USH2A: variants seen among roughly 807,000 people sequenced by gnomAD.
USH2A encodes the protein Usher syndrome 2A (autosomal recessive, mild).
USH2A carries 443 observed loss-of-function variants against 538.9 expected under a neutral mutation model. The observed-to-expected ratio is 0.82, with a 90% CI of 0.76 to 0.89. The LOEUF is 0.89. USH2A is among the 40% of genes least tolerant of loss of function. The pLI is 0.00. For missense variants in USH2A, 6,633 were observed against 6,324.8 expected (o/e 1.05, Z -1.65); for synonymous variants, 2,413 against 2,273.5 (o/e 1.06, Z -1.75).
intron 21 of USH2A, among the ~76,000 whole-genome samples, chr1:216,143,218 A>G (rs1553306752): frequency 2.0e-5 from 3 of 152,132 alleles, no homozygotes; most frequent in Non-Finnish European, 4.4e-5. Flanking sequence ...CACCTTATTT[A>G]TTTTATCCTT....
chr1:216,165,184 T>C (rs938596448), intron 21 of USH2A, among the ~76,000 whole-genome samples: 1 of 152,208 alleles, frequency 6.6e-6, no homozygotes, highest in Admixed American at 6.5e-5. Flanking sequence ...AAGTGCTTTT[T>C]ATTGTACTGT....
At chr1:216,217,584 T>C in intron 14 of USH2A, 34 bp from the exon 15 acceptor site, 2 of 1,609,478 alleles carry the variant, frequency 1.2e-6, no homozygotes, top group Non-Finnish European at 1.7e-6. Flanking sequence ...TCAAAGAGAA[T>C]AGTGTTTTGA....
At chr1:215,895,819 T>C (rs796341748) in intron 40 of USH2A, among the ~76,000 whole-genome samples, 6 of 152,340 alleles carry the variant, frequency 3.9e-5, no homozygotes, top group African/African-American at 1.4e-4. Context: ...TGTACAAACA[T>C]CCTAGAGTGT....
intron 11 of USH2A, among the ~76,000 whole-genome samples, chr1:216,271,251 A>C (rs1051969884): frequency 2.6e-5 from 4 of 152,002 alleles, no homozygotes; most frequent in African/African-American, 9.7e-5. Context: ...ACAGCCCCAG[A>C]CTTTCTATAG....
chr1:216,318,351 GAAC>G (rs1333117951), intron 9 of USH2A, among the ~76,000 whole-genome samples: 4 of 152,100 alleles, frequency 2.6e-5, no homozygotes, highest in Admixed American at 1.3e-4. Flanking sequence ...TTAAAAAGTA[GAAC>G]AACAAGAAAA....
intron 64 of USH2A, among the ~76,000 whole-genome samples, chr1:215,669,917 A>G (rs1483471351): frequency 6.6e-6 from 1 of 152,164 alleles, no homozygotes; most frequent in Non-Finnish European, 1.5e-5. Context: ...ATGTTATAAT[A>G]AGCTTTTTAA....
intron 4 of USH2A, among the ~76,000 whole-genome samples, chr1:216,355,674 G>A (rs920239302): frequency 2.0e-5 from 3 of 152,090 alleles, no homozygotes; most frequent in Admixed American, 6.6e-5. Context: ...AAACATTGAA[G>A]AACACTAGAA....
intron 37 of USH2A, among the ~76,000 whole-genome samples, chr1:215,958,581 A>G (rs1254849678): frequency 6.6e-6 from 1 of 152,144 alleles, no homozygotes; most frequent in Non-Finnish European, 1.5e-5. Context: ...TTAGGCTCAG[A>G]GAATGGGGGA....
intron 32 of USH2A, among the ~76,000 whole-genome samples, chr1:216,024,384 C>T (rs928050824): frequency 3.3e-5 from 5 of 152,070 alleles, no homozygotes; most frequent in Middle Eastern, 6.8e-3. Context: ...AGTGGCCATA[C>T]CAGCATTTTG....
chr1:215,805,335 G>T (rs781487803), intron 49 of USH2A, among the ~76,000 whole-genome samples: 1 of 151,732 alleles, frequency 6.6e-6, no homozygotes, highest in African/African-American at 2.4e-5. Flanking sequence ...GACACAAAAA[G>T]ACAAATATTG....
chr1:216,211,701 G>C (rs970025722), intron 15 of USH2A, among the ~76,000 whole-genome samples: 3 of 152,092 alleles, frequency 2.0e-5, no homozygotes, highest in African/African-American at 7.2e-5. Context: ...TTAGACATAG[G>C]AAAAGAGTAG....
intron 18 of USH2A, among the ~76,000 whole-genome samples, chr1:216,197,595 T>C (rs931275963): frequency 2.0e-5 from 3 of 152,192 alleles, no homozygotes; most frequent in Admixed American, 6.6e-5. Flanking sequence ...TCATCCTCCA[T>C]ATTCCTAACA....
rs1265251013 is a variant in USH2A at position 215,728,056 on chromosome 1, G to A, written c.12040C>T (p.Pro4014Ser). 2 of 1,614,030 alleles carry A rather than the reference G, an allele frequency of 1.2e-6. No individual in the cohort carries two copies. Among genetic ancestry groups the A allele is most frequent in the African/African-American group, 2.7e-5 (2 of 74,906 alleles). Residue 4014 changes from proline to serine, a missense_variant, in exon 61 of 72, where the codon CCT (proline) becomes TCT (serine). Physicochemically the swap from Pro to Ser is moderately conservative, Grantham distance 74 (BLOSUM62 -1). Coordinates refer to ENST00000307340, the MANE Select transcript of USH2A (RefSeq NM_206933.4). The part of the protein sequence containing the change: ...ERPDDPTFNS[P>S]TVHAFTVKGT... ...TTCACTGTGAAAGCATGCACGGTAG[G>A]GCTGTTAAATGTAGGATCGTCGGGT...
At position 216,083,422 on chromosome 1, in the gene USH2A, T is replaced by A. The variant is rs570438704; in HGVS notation, c.5298+34A>T. The A allele has an allele frequency of 6.9e-6, 11 of 1,603,354 alleles. No homozygotes were observed. The African/African-American group carries it at 9.4e-5, about 14-fold the overall frequency. On this transcript the variant is annotated intron_variant, in intron 26 of 71. Coordinates refer to ENST00000307340, the MANE Select transcript of USH2A (RefSeq NM_206933.4). ...TTTATTTTAAAGTTGGGTCCTATAT[T>A]TTAAAGTAATTTTAATCAAATTAAT...
intron 20 of USH2A, among the ~76,000 whole-genome samples, chr1:216,189,700 A>G (rs1291311969): frequency 6.6e-6 from 1 of 151,940 alleles, no homozygotes; most frequent in Non-Finnish European, 1.5e-5. Context: ...TGAAAGCCAA[A>G]TATAACACCA....
In USH2A at chr1:215,728,023, G is replaced by GTCT. The variant is rs757451041; in HGVS notation, c.12066+4_12066+6dup. 1 of 1,613,378 alleles carries GTCT rather than the reference G, an allele frequency of 6.2e-7. No homozygotes were observed. The highest frequency in any genetic ancestry group is 8.5e-7 in the Non-Finnish European group (1 of 1,179,658). ...TGCATGTCTGTTACTTTTCTAAAGG[G>GTCT]TCTTACCTTCACTGTGAAAGCATGC... On this transcript the variant is annotated splice_region_variant and intron_variant, in intron 61 of 71. Transcript: ENST00000307340.
chr1:216,034,170 T>G (rs1340910905), intron 32 of USH2A, among the ~76,000 whole-genome samples: 2 of 152,058 alleles, frequency 1.3e-5, no homozygotes, highest in Non-Finnish European at 2.9e-5. Flanking sequence ...GAAACCAACA[T>G]TTGTGCGTGG....
At chr1:215,926,614 C>CTTTTT (rs10673615) in intron 38 of USH2A, among the ~76,000 whole-genome samples, 2,626 of 75,756 alleles carry the variant, frequency 0.035, 335 homozygotes, top group African/African-American at 0.12. Context: ...ACCTACCTAT[C>CTTTTT]TTTTTTTTTT....
At chr1:215,832,589 A>G (rs183911355) in intron 47 of USH2A, among the ~76,000 whole-genome samples, 9 of 152,114 alleles carry the variant, frequency 5.9e-5, no homozygotes, top group Middle Eastern at 3.4e-3. Flanking sequence ...ATTAAAAATA[A>G]AAAGTAAGTT....
Sources: allele counts gnomAD v4.1 joint callset (sites outside exome capture counted in the v4.1 genomes callset), GRCh38; gene constraint gnomAD v4.1.1; transcripts MANE v1.5; gene names NCBI Gene and HGNC (gene_info 2026-07-23, HGNC 2026-07-21).